CACNA1H: variants seen among roughly 807,000 people sequenced by gnomAD.
The protein encoded by CACNA1H is voltage-dependent T-type calcium channel subunit alpha-1H.
In CACNA1H, 149 loss-of-function variants were observed where a neutral mutation model predicts 192.5. The ratio of observed to expected loss-of-function variants is 0.77; its 90% CI spans 0.68 to 0.89. The LOEUF is 0.89. Among genes scored for constraint, CACNA1H ranks in the 40% least tolerant of loss-of-function variants. The probability of loss-of-function intolerance (pLI) is 0.00; values close to 1 mark genes in which losing one functional copy is unlikely to be tolerated. For missense variants in CACNA1H, 4,257 were observed against 3,423.5 expected (o/e 1.24, Z -6.08); for synonymous variants, 2,202 against 1,475.2 (o/e 1.49, Z -11.29).
In CACNA1H at chr16:1,210,620, C is replaced by T. The variant is rs370725735; in HGVS notation, c.4007C>T (p.Thr1336Met). Reference protein sequence around the residue: ...VFLSVSNYIFTAIFVAEMMVK... With the variant: ...VFLSVSNYIFMAIFVAEMMVK... ...CTCAGCGTCTCCAATTACATCTTCA[C>T]GGCCATCTTCGTGGCGGAGATGATG... Residue 1336 changes from threonine to methionine, a missense_variant, in exon 20 of 35, where the codon ACG becomes ATG. Physicochemically the swap from Thr to Met is moderately conservative, Grantham distance 81. Transcript: ENST00000348261. The T allele has an allele frequency of 1.1e-5, 18 of 1,606,802 alleles. 1 individual carries two copies. The highest frequency in any genetic ancestry group is 5.5e-5 in the South Asian group (5 of 91,070).
At chr16:1,217,179 C>G (rs1051111898) in intron 31 of CACNA1H, among the ~76,000 whole-genome samples, 169 bp downstream of exon 31, 2 of 152,220 alleles carry the variant, frequency 1.3e-5, no homozygotes, top group East Asian at 1.9e-4. Context: ...CTTTTCTGCA[C>G]GAGGCCGAGT....
Position 1,212,548 on chromosome 16 carries a change from T to C in CACNA1H, c.4777+20T>C, listed in dbSNP as rs1157597462. The stretch of plus-strand genomic sequence containing the variant: ...GCCCAGGTACCGGCCCTGTCCCGCA[T>C]GCCTCAGGCCCCGCTTCTGCGGCCG... On this transcript the variant is annotated intron_variant, in intron 26 of 34. Coordinates refer to ENST00000348261, the MANE Select transcript of CACNA1H (RefSeq NM_021098.3). 1.2e-6 allele frequency: 2 copies of C among 1,608,786 alleles called. No individual in the cohort carries two copies. The highest frequency in any genetic ancestry group is 1.7e-5 in the Admixed American group (1 of 59,682).
In CACNA1H at chr16:1,200,514, C is replaced by G. The variant is rs1487862602; in HGVS notation, c.1062C>G (p.Pro354=). The part of the protein sequence containing the change: ...YNVCRSGDSN[P]HNGAINFDNI... ...TGTGCCGCTCGGGTGACTCCAACCC[C>G]CACAACGGTGCCATCAACTTCGACA... The change falls in exon 7 of 35, where the codon CCC becomes CCG. Residue 354 remains proline, a synonymous_variant. Transcript: ENST00000348261. 16 of 1,612,254 alleles carry G rather than the reference C, an allele frequency of 9.9e-6. No homozygotes were observed. Among genetic ancestry groups the G allele is most frequent in the Admixed American group, 1.7e-5 (1 of 59,992 alleles).
Position 1,212,224 on chromosome 16 carries a change from C to CCCACTCCG in CACNA1H, c.4759+87_4759+88insCACTCCGC, listed in dbSNP as rs1462308434. The CCCACTCCG allele has an allele frequency of 2.3e-4, 339 of 1,485,088 alleles. 3 individuals are homozygous for CCCACTCCG. The South Asian group carries it at 4.1e-3, about 18-fold the overall frequency. The allele number at this position is 1,485,088 out of a possible 1,614,324, so 92.0% of individuals were successfully genotyped here. ...TCCAGCCCCTCCACTCCCGCCCCGG[C>CCCACTCCG]CTCCCCGAATGGCTCTGCACGCCAC... On this transcript the variant is annotated intron_variant, in intron 25 of 34. Coordinates refer to ENST00000348261, the MANE Select transcript of CACNA1H (RefSeq NM_021098.3).
At chr16:1,161,240 A>G (rs1374112755) in intron 2 of CACNA1H, among the ~76,000 whole-genome samples, 1 of 152,108 alleles carries the variant, frequency 6.6e-6, no homozygotes, top group Non-Finnish European at 1.5e-5. Flanking sequence ...TCCTTTGTGG[A>G]TGGACCGTTA....
At chr16:1,168,782 G>T (rs892785504) in intron 2 of CACNA1H, among the ~76,000 whole-genome samples, 1 of 152,170 alleles carries the variant, frequency 6.6e-6, no homozygotes, top group East Asian at 1.9e-4. Flanking sequence ...CCCCAGCCTT[G>T]CCCTCCAGGC....
intron 2 of CACNA1H, among the ~76,000 whole-genome samples, chr16:1,165,205 C>T: frequency 6.6e-6 from 1 of 152,118 alleles, no homozygotes; most frequent in East Asian, 1.9e-4. Flanking sequence ...GGGGGAAGAG[C>T]AGAGAGCACA....
intron 14 of CACNA1H, 66 bp downstream of exon 14, chr16:1,207,496 A>AG: frequency 2.7e-6 from 4 of 1,486,964 alleles, no homozygotes; most frequent in Non-Finnish European, 3.7e-6. Context: ...CTTCAGGTCG[A>AG]GGGGAGGGGT....
chr16:1,205,346 C>T (rs1206279565), intron 11 of CACNA1H, 81 bp downstream of exon 11: 7 of 1,413,754 alleles, frequency 5.0e-6, no homozygotes, highest in East Asian at 2.3e-5. Flanking sequence ...AGAGCAAAAC[C>T]CAGAGCACAG....
Position 1,208,094 on chromosome 16 carries a change from G to A in CACNA1H, c.3236G>A (p.Cys1079Tyr). Reference protein sequence around the residue: ...RGSLSPPLIMCTAATPMPTPK... With the variant: ...RGSLSPPLIMYTAATPMPTPK... ...AGCCTGTCCCCTCCCCTCATCATGT[G>A]CACAGCTGCCACGCCCATGCCTACC... The change falls in exon 16 of 35, where the codon TGC becomes TAC. Residue 1079 changes from cysteine to tyrosine, a missense_variant. Coordinates refer to ENST00000348261, the MANE Select transcript of CACNA1H (RefSeq NM_021098.3). 1 of 1,598,552 alleles carries A rather than the reference G, an allele frequency of 6.3e-7. No individual in the cohort carries two copies. Among genetic ancestry groups the A allele is most frequent in the Non-Finnish European group, 8.5e-7 (1 of 1,173,934 alleles).
chr16:1,181,272 C>T lies in CACNA1H; in HGVS notation c.300-13700C>T, dbSNP rs542625148. Reference sequence around the variant, plus strand: ...AGGGTGAGGCCAGAGGAGAGGAGCTCTCACCCGGCATGGCCGGCCCCTCCA... The same window carrying T: ...AGGGTGAGGCCAGAGGAGAGGAGCTTTCACCCGGCATGGCCGGCCCCTCCA... On this transcript the variant is annotated intron_variant, in intron 2 of 34. Transcript: ENST00000348261. Among the ~76,000 whole-genome samples, 13 of 152,376 alleles carry T rather than the reference C, an allele frequency of 8.5e-5. 1 individual carries two copies. The East Asian group carries it at 1.5e-3, about 18-fold the overall frequency.
At chr16:1,160,890 G>T (rs1180590397) in intron 2 of CACNA1H, among the ~76,000 whole-genome samples, 1 of 152,128 alleles carries the variant, frequency 6.6e-6, no homozygotes, top group Non-Finnish European at 1.5e-5. Flanking sequence ...CCATCCTCGG[G>T]TGCGCGGCCG....
rs1299059211 is a variant in CACNA1H at position 1,215,252 on chromosome 16, C to T, written c.5050C>T (p.Leu1684=). ...CCTCCGGCCACACAGGTGGAACCAG[C>T]TGGACCTGGCCATCGTGCTGCTGTC... ...RRFFKDRWNQ[L]DLAIVLLSLM... The change falls in exon 29 of 35, where the codon CTG becomes TTG. Residue 1684 remains leucine, a synonymous_variant. Coordinates refer to ENST00000348261, the MANE Select transcript of CACNA1H (RefSeq NM_021098.3). The T allele has an allele frequency of 6.2e-7, 1 of 1,603,894 alleles. No homozygotes were observed.
At chr16:1,194,918 C>G in intron 2 of CACNA1H, 54 bp from the exon 3 acceptor site, 2 of 1,339,842 alleles carry the variant, frequency 1.5e-6, no homozygotes, top group Non-Finnish European at 2.1e-6. Context: ...TTGGAGGGCC[C>G]CATGGGAGCG....
intron 12 of CACNA1H, 29 bp from the exon 13 acceptor site, chr16:1,206,972 C>G: frequency 7.2e-7 from 1 of 1,388,706 alleles, no homozygotes; most frequent in Admixed American, 2.0e-5. Flanking sequence ...CTGCCTCCAC[C>G]CTCAACACGC....
chr16:1,202,435 A>G lies in CACNA1H; in HGVS notation c.1985A>G (p.His662Arg), dbSNP rs768565046. 87 of 1,503,758 alleles carry G rather than the reference A, an allele frequency of 5.8e-5. No individual in the cohort carries two copies. The Middle Eastern group carries it at 6.9e-4, about 12-fold the overall frequency. The allele number at this position is 1,503,758 out of a possible 1,614,324, so 93.2% of individuals were successfully genotyped here. A position where few individuals can be genotyped will look rare whatever the true frequency, so the allele number is the denominator to read the frequency against. The change falls in exon 9 of 35, where the codon CAT becomes CGT. Residue 662 changes from histidine to arginine, a missense_variant. Physicochemically the swap from His to Arg is conservative, Grantham distance 29. Coordinates refer to ENST00000348261, the MANE Select transcript of CACNA1H (RefSeq NM_021098.3). Reference protein sequence around the residue: ...NSPDPYEKIPHVVGEHGLGQA... With the variant: ...NSPDPYEKIPRVVGEHGLGQA... ...CCTGATCCCTACGAGAAGATCCCGC[A>G]TGTGGTCGGGGAGCATGGTGAGGAC...
intron 5 of CACNA1H, among the ~76,000 whole-genome samples, chr16:1,196,829 G>A (rs1487243198): frequency 1.3e-5 from 2 of 152,164 alleles, no homozygotes; most frequent in Non-Finnish European, 1.5e-5. Context: ...GGGTGGGATC[G>A]TTCTTTAAGC....
In CACNA1H at chr16:1,207,392, C is replaced by A; in HGVS notation, c.3025C>A (p.Leu1009Met). ...MTFGNYVLFN[L>M]LVAILVEGFQ... ...CTTCGGCAACTATGTGCTCTTCAAC[C>A]TGCTGGTGGCCATCCTCGTGGAGGG... The change falls in exon 14 of 35, where the codon CTG (leucine) becomes ATG (methionine). Residue 1009 changes from leucine (L) to methionine (M), a missense_variant. By Grantham distance (15) the Leu-to-Met change is conservative. Transcript: ENST00000348261. 5 of 1,613,300 alleles carry A rather than the reference C, an allele frequency of 3.1e-6. No individual in the cohort carries two copies. The highest frequency in any genetic ancestry group is 4.2e-6 in the Non-Finnish European group (5 of 1,179,820).
chr16:1,220,600 G>A lies in CACNA1H; in HGVS notation c.6668G>A (p.Cys2223Tyr), dbSNP rs1264293762. ...ACACTGAGGCGCAGGACCCCGTCCT[G>A]TGAGGCCACGCCTCACAGGGACTCC... ...STTLRRRTPS[C>Y]EATPHRDSLE... The change falls in exon 35 of 35, where the codon TGT becomes TAT. Residue 2223 changes from cysteine (C) to tyrosine (Y), a missense_variant. Physicochemically the swap from Cys to Tyr is radical, Grantham distance 194 (BLOSUM62 -2). Transcript: ENST00000348261. 8 of 1,558,276 alleles carry A rather than the reference G, an allele frequency of 5.1e-6. No individual in the cohort carries two copies. In the East Asian group the frequency reaches 6.7e-5, roughly 13 times the overall value.
Sources: allele counts gnomAD v4.1 joint callset (sites outside exome capture counted in the v4.1 genomes callset), GRCh38; gene constraint gnomAD v4.1.1; transcripts MANE v1.5; gene names NCBI Gene and HGNC (gene_info 2026-07-23, HGNC 2026-07-21).